The following PAPSS1 variants were observed in gnomAD, a reference collection of about 807,000 sequenced individuals.
PAPSS1 encodes the protein 3'-phosphoadenosine 5'-phosphosulfate synthase 1, also known as bifunctional 3'-phosphoadenosine 5'-phosphosulfate synthase 1.
Under a neutral mutation model 72.0 loss-of-function variants are expected in PAPSS1, and 50 were observed. The observed-to-expected ratio is 0.69, with a 90% CI of 0.55 to 0.88. The LOEUF (loss-of-function observed/expected upper bound fraction) is 0.88. PAPSS1 is among the 40% of genes least tolerant of loss of function. PAPSS1 has a pLI of 0.00. For synonymous variants in PAPSS1, 261 were observed against 263.6 expected, an observed-to-expected ratio of 0.99 and a Z score of 0.09; for missense variants, 657 against 782.2, an observed-to-expected ratio of 0.84 and a Z score of 1.91.
chr4:107,715,217 A>C (rs1723602978), intron 1 of PAPSS1, among the ~76,000 whole-genome samples: 1 of 152,204 alleles, frequency 6.6e-6, no homozygotes, highest in African/African-American at 2.4e-5. Context: ...TGTTCATTAA[A>C]TTTCAGTTGC....
chr4:107,653,627 C>T lies in PAPSS1; in HGVS notation c.1102-1G>A, dbSNP rs1182764797. Reference sequence around the variant, plus strand: ...GCCAATCTCCTTGTTCCATCACCATCTAATAGGAAAAACAAATTTTTTTAA... The same window carrying T: ...GCCAATCTCCTTGTTCCATCACCATTTAATAGGAAAAACAAATTTTTTTAA... On this transcript the variant is annotated splice_acceptor_variant, in intron 8 of 11. Coordinates refer to ENST00000265174, the MANE Select transcript of PAPSS1 (RefSeq NM_005443.5). LOFTEE classifies it high-confidence loss of function. The T allele has an allele frequency of 1.1e-5, 17 of 1,605,198 alleles. No individual in the cohort carries two copies. Among genetic ancestry groups the T allele is most frequent in the Non-Finnish European group, 1.4e-5 (17 of 1,177,612 alleles).
At chr4:107,666,942 T>C (rs1185077598) in intron 5 of PAPSS1, among the ~76,000 whole-genome samples, 1 of 152,114 alleles carries the variant, frequency 6.6e-6, no homozygotes, top group Admixed American at 6.6e-5. Flanking sequence ...ATCCCCTAAG[T>C]GATCAATGTG....
At chr4:107,692,983 C>A (rs1251687508) in intron 3 of PAPSS1, among the ~76,000 whole-genome samples, 1 of 152,024 alleles carries the variant, frequency 6.6e-6, no homozygotes, top group Admixed American at 6.6e-5. Context: ...ACAACACACA[C>A]TGATGACTGT....
At chr4:107,672,102 G>A (rs1032486049) in intron 5 of PAPSS1, among the ~76,000 whole-genome samples, 14 of 152,160 alleles carry the variant, frequency 9.2e-5, no homozygotes, top group African/African-American at 1.7e-4. Context: ...CAAGATGGCC[G>A]AATAGGAACA....
chr4:107,706,931 G>A (rs1489786132), intron 1 of PAPSS1, among the ~76,000 whole-genome samples: 1 of 152,210 alleles, frequency 6.6e-6, no homozygotes, highest in East Asian at 1.9e-4. Flanking sequence ...GGTCTACAGT[G>A]GTTGGTCTGA....
intron 10 of PAPSS1, among the ~76,000 whole-genome samples, chr4:107,633,818 C>A (rs938742740): frequency 1.7e-4 from 25 of 150,030 alleles, no homozygotes; most frequent in Non-Finnish European, 3.1e-4. Context: ...ACTCGGGAGG[C>A]TGAGGCAGGA....
chr4:107,684,515 A>G (rs1722722382), intron 4 of PAPSS1, among the ~76,000 whole-genome samples: 1 of 152,180 alleles, frequency 6.6e-6, no homozygotes, highest in African/African-American at 2.4e-5. Flanking sequence ...TCCCAATCCT[A>G]AAGAGATTAA....
chr4:107,672,589 C>A (rs1727515271), intron 5 of PAPSS1, among the ~76,000 whole-genome samples: 1 of 152,200 alleles, frequency 6.6e-6, no homozygotes, highest in African/African-American at 2.4e-5. Flanking sequence ...CTTGGTGGAG[C>A]CCACCACAGC....
At chr4:107,644,716 A>G (rs1246501269) in intron 10 of PAPSS1, 86 bp downstream of exon 10, 28 of 1,344,688 alleles carry the variant, frequency 2.1e-5, no homozygotes, top group Non-Finnish European at 2.8e-5. Flanking sequence ...TACAGAGCAC[A>G]GAAAAAGCAA....
chr4:107,624,669 G>A (rs1400242226), intron 11 of PAPSS1, among the ~76,000 whole-genome samples: 1 of 151,920 alleles, frequency 6.6e-6, no homozygotes, highest in Non-Finnish European at 1.5e-5. Flanking sequence ...CATACTAGAA[G>A]ACAATATGAT....
At chr4:107,681,814 A>G (rs1051332961) in intron 5 of PAPSS1, among the ~76,000 whole-genome samples, 3 of 152,170 alleles carry the variant, frequency 2.0e-5, no homozygotes, top group Non-Finnish European at 2.9e-5. Flanking sequence ...ACTGACGGGG[A>G]TATTTCACAT....
rs773950441 is a variant in PAPSS1, at chr4:107,688,684, A to G, written c.412-1507T>C. Among the ~76,000 whole-genome samples, 15 of 152,182 alleles carry G rather than the reference A, an allele frequency of 9.9e-5. 1 individual carries two copies. Among genetic ancestry groups the G allele is most frequent in the Non-Finnish European group, 1.9e-4 (13 of 68,014 alleles). On this transcript the variant is annotated intron_variant, in intron 3 of 11. Coordinates refer to ENST00000265174, the MANE Select transcript of PAPSS1 (RefSeq NM_005443.5). ...GTTGCCCACACTCCCATCACAGCCC[A>G]CTGCTCACCTTACACAGTTCTTGAG...
At chr4:107,623,041 C>T (rs1013734530) in intron 11 of PAPSS1, among the ~76,000 whole-genome samples, 3 of 152,200 alleles carry the variant, frequency 2.0e-5, no homozygotes, top group African/African-American at 4.8e-5. Context: ...CAAGCCACTT[C>T]CTCCAGTCTG....
chr4:107,718,094 C>G (rs1723682596), intron 1 of PAPSS1, among the ~76,000 whole-genome samples: 1 of 152,172 alleles, frequency 6.6e-6, no homozygotes, highest in African/African-American at 2.4e-5. Flanking sequence ...AACATTCTTC[C>G]TGGATTACCA....
chr4:107,695,625 G>T (rs1460892783), intron 2 of PAPSS1, among the ~76,000 whole-genome samples: 9 of 152,114 alleles, frequency 5.9e-5, no homozygotes, highest in Non-Finnish European at 8.8e-5. Flanking sequence ...TTGGCTATGG[G>T]TTTGTCATGA....
intron 10 of PAPSS1, among the ~76,000 whole-genome samples, chr4:107,637,953 T>C (rs1726432820): frequency 6.6e-6 from 1 of 152,192 alleles, no homozygotes; most frequent in African/African-American, 2.4e-5. Context: ...TTTCTTGAAA[T>C]TCCCAAATCA....
intron 2 of PAPSS1, among the ~76,000 whole-genome samples, chr4:107,698,213 C>CA (rs1274235628): frequency 5.3e-5 from 8 of 151,978 alleles, no homozygotes; most frequent in African/African-American, 1.7e-4. Context: ...AAACAGCATA[C>CA]AAAAATCACT....
At chr4:107,651,677 T>C (rs745453990) in intron 9 of PAPSS1, among the ~76,000 whole-genome samples, 12 of 152,082 alleles carry the variant, frequency 7.9e-5, no homozygotes, top group Non-Finnish European at 1.5e-4. Context: ...GAGAATAGCA[T>C]GGGGGAAGCC....
chr4:107,698,840 C>T (rs1186395306), intron 2 of PAPSS1, among the ~76,000 whole-genome samples: 1 of 152,056 alleles, frequency 6.6e-6, no homozygotes, highest in Admixed American at 6.6e-5. Flanking sequence ...CTGAAATACA[C>T]CAGAGCACCA....
Sources: allele counts gnomAD v4.1 joint callset (sites outside exome capture counted in the v4.1 genomes callset), GRCh38; gene constraint gnomAD v4.1.1; transcripts MANE v1.5; gene names NCBI Gene and HGNC (gene_info 2026-07-23, HGNC 2026-07-21).